Variants in MGAT5B observed in about 807,000 individuals in gnomAD.
MGAT5B encodes the protein N-acetylglucosaminyl-transferase Vb.
MGAT5B carries 54 observed loss-of-function variants against 95.1 expected under a neutral mutation model. The ratio of observed to expected loss-of-function variants is 0.57; its 90% CI spans 0.46 to 0.71. MGAT5B has a LOEUF of 0.71. Among genes scored for constraint, MGAT5B ranks in the 30% least tolerant of loss-of-function variants. MGAT5B has a pLI of 0.00. For synonymous variants in MGAT5B, 464 were observed against 451.0 expected, an observed-to-expected ratio of 1.03 and a Z score of -0.36; for missense variants, 935 against 1,088.6, an observed-to-expected ratio of 0.86 and a Z score of 1.99.
At chr17:76,928,288 C>A (rs1210805982) in intron 10 of MGAT5B, among the ~76,000 whole-genome samples, 2 of 151,880 alleles carry the variant, frequency 1.3e-5, no homozygotes, top group South Asian at 2.1e-4. Flanking sequence ...GCACAGGGAG[C>A]AGATTTCTGG....
At chr17:76,893,609 C>G (rs1967960301) in intron 3 of MGAT5B, among the ~76,000 whole-genome samples, 1 of 152,256 alleles carries the variant, frequency 6.6e-6, no homozygotes, top group Non-Finnish European at 1.5e-5. Context: ...GGGAGTGAGG[C>G]CCAGGGGATT....
chr17:76,889,577 A>AT lies in MGAT5B; in HGVS notation c.329+7279_329+7280insT, dbSNP rs1293835485. 4.6e-5 allele frequency among the ~76,000 whole-genome samples: 7 copies of AT among 152,206 alleles called. No individual in the cohort carries two copies. Among genetic ancestry groups the AT allele is most frequent in the African/African-American group, 7.2e-5 (3 of 41,464 alleles). On this transcript the variant is annotated intron_variant, in intron 3 of 17. Transcript: ENST00000569840. This position sits in a 1 kb window ranked among gnomAD's most constrained non-coding sequence, Gnocchi z 4.4. ...CACCCCAGGGCAGCCGTCGGCCCCC[A>AT]GGGGCATGTTCTGGATTCCAACAGA...
chr17:76,937,991 AAGG>A lies in MGAT5B; in HGVS notation c.1435_1437del (p.Glu479del). Reference sequence around the variant, plus strand: ...TCTCCTCCTCTTCTTTTTCCAGGGGAAGGAGAAGTTCCTGGGCATCCTGAACAA... The same window carrying A: ...TCTCCTCCTCTTCTTTTTCCAGGGGAAGAAGTTCCTGGGCATCCTGAACAA... On this transcript the variant is annotated inframe_deletion, in exon 13 of 18. Coordinates refer to ENST00000569840, the MANE Select transcript of MGAT5B (RefSeq NM_001199172.2). 1 of 1,612,572 alleles carries A rather than the reference AAGG, an allele frequency of 6.2e-7. No individual in the cohort carries two copies.
rs565171450 is a variant in MGAT5B at position 76,917,032 on chromosome 17, G to A, written c.1026-7934G>A. Among the ~76,000 whole-genome samples, 25 of 152,306 alleles carry A rather than the reference G, an allele frequency of 1.6e-4. No homozygotes were observed. In the South Asian group the frequency reaches 3.3e-3, roughly 20 times the overall value. On this transcript the variant is annotated intron_variant, in intron 8 of 17. Coordinates refer to ENST00000569840, the MANE Select transcript of MGAT5B (RefSeq NM_001199172.2). The surrounding 1 kb of genome is among the most constrained non-coding windows in gnomAD (Gnocchi z 6.1). ...ACCCCCTAGCACTCTTCCCGACTAC[G>A]CTGTCAGGTTTGAGTCAGCCTAGTT...
chr17:76,887,547 C>CT (rs1195052470), intron 3 of MGAT5B, among the ~76,000 whole-genome samples: 5 of 91,294 alleles, frequency 5.5e-5, no homozygotes, highest in African/African-American at 3.0e-4. Context: ...TCCTTCCTTT[C>CT]TTTTTTCTTT....
chr17:76,944,355 C>A (rs945542161), intron 15 of MGAT5B: 3 of 152,216 alleles, frequency 2.0e-5, no homozygotes, highest in African/African-American at 7.2e-5. Context: ...TTTGCTGTCA[C>A]GGAGCCGGGG....
chr17:76,903,439 C>A, intron 5 of MGAT5B, 63 bp downstream of exon 5: 2 of 1,417,050 alleles, frequency 1.4e-6, no homozygotes, highest in Admixed American at 2.0e-5. Flanking sequence ...TGGCCCTGGC[C>A]CCTCACCCAG....
rs776468880 is a variant in MGAT5B, at chr17:76,882,172, G to A, written c.203G>A (p.Arg68His). 2.5e-6 allele frequency: 4 copies of A among 1,612,128 alleles called. No homozygotes were observed. In the East Asian group the frequency reaches 6.7e-5, roughly 27 times the overall value. Residue 68 changes from arginine (R) to histidine (H), a missense_variant, in exon 3 of 18, where the codon CGC becomes CAC. Arg to His is a conservative substitution (Grantham distance 29). Coordinates refer to ENST00000569840, the MANE Select transcript of MGAT5B (RefSeq NM_001199172.2). ...ACAGTGATGGGGGGCCCCGAGTCCC[G>A]CGGCGTCCTGCGCAAGATGAGCGAC... ...RTEVMGGPES[R>H]GVLRKMSDLL... is the part of the protein sequence containing the mutation.
chr17:76,945,921 A>T (rs1487860717), intron 15 of MGAT5B, among the ~76,000 whole-genome samples: 1 of 151,944 alleles, frequency 6.6e-6, no homozygotes, highest in South Asian at 2.1e-4. Context: ...ACAGGGGCTC[A>T]TTCTGTGCTG....
At chr17:76,922,220 T>C (rs1475837786) in intron 8 of MGAT5B, among the ~76,000 whole-genome samples, 1 of 152,204 alleles carries the variant, frequency 6.6e-6, no homozygotes, top group Non-Finnish European at 1.5e-5. Context: ...ATGTTCCTGG[T>C]GCAGGTAGCA....
Position 76,940,467 on chromosome 17 carries a change from C to T in MGAT5B, c.1650C>T (p.Cys550=), listed in dbSNP as rs1046675807. The change falls in exon 14 of 18, where the codon TGC becomes TGT. Residue 550 remains cysteine (C), a synonymous_variant. Transcript: ENST00000569840. The surrounding 1 kb of genome is among the most constrained non-coding windows in gnomAD (Gnocchi z 4.3). ...CCCTGGAGGCCATCGCCAATGGTTG[C>T]ATCTTCCTGCAGTCCCGCTTCAGCC... is the stretch of plus-strand genomic sequence containing the variant. ...PAPLEAIANG[C]IFLQSRFSPP... is the part of the protein sequence containing the mutation. The T allele has an allele frequency of 6.2e-6, 10 of 1,614,010 alleles. No individual in the cohort carries two copies. Among genetic ancestry groups the T allele is most frequent in the Non-Finnish European group, 8.5e-6 (10 of 1,179,966 alleles).
chr17:76,926,794 G>A (rs909697232), intron 10 of MGAT5B, 64 bp downstream of exon 10: 38 of 1,576,114 alleles, frequency 2.4e-5, no homozygotes, highest in African/African-American at 8.1e-5. Context: ...GAGGTGACAC[G>A]AGAGGCGGCC....
In MGAT5B at chr17:76,947,030, G is replaced by T. The variant is rs527963154; in HGVS notation, c.1923+580G>T. 2.0e-5 allele frequency among the ~76,000 whole-genome samples: 3 copies of T among 152,340 alleles called. No individual in the cohort carries two copies. The East Asian group carries it at 5.8e-4, about 29-fold the overall frequency. ...AGGAGGAGGGCGTGCCCTATTCCTG[G>T]GGAGTCCTGGCCCTCCACTGCATCC... On this transcript the variant is annotated intron_variant, in intron 16 of 17. Transcript: ENST00000569840.
In MGAT5B at chr17:76,940,542, C is replaced by T; in HGVS notation, c.1725C>T (p.Ser575=). The stretch of plus-strand genomic sequence containing the variant: ...AGTTCTTCCGAGGCAAGCCCACCTC[C>T]AGAGAGGTGAGTGGAAAGCATCCTG... The part of the protein sequence containing the change: ...NHEFFRGKPT[S]REVFSQHPYA... Residue 575 remains serine (S), a synonymous_variant, in exon 14 of 18, where the codon TCC becomes TCT. Coordinates refer to ENST00000569840, the MANE Select transcript of MGAT5B (RefSeq NM_001199172.2). This position sits in a 1 kb window ranked among gnomAD's most constrained non-coding sequence, Gnocchi z 4.3. 6.2e-7 allele frequency: 1 copy of T among 1,609,940 alleles called. No homozygotes were observed. Among genetic ancestry groups the T allele is most frequent in the Non-Finnish European group, 8.5e-7 (1 of 1,177,344 alleles).
intron 3 of MGAT5B, among the ~76,000 whole-genome samples, chr17:76,884,538 A>G (rs569559397): frequency 1.1e-4 from 17 of 151,692 alleles, no homozygotes; most frequent in Non-Finnish European, 1.3e-4. Flanking sequence ...GGTTCGAGCA[A>G]TTCTTCTGCC....
Position 76,930,797 on chromosome 17 carries a change from A to G in MGAT5B, c.1292-1848A>G, listed in dbSNP as rs907494550. ...TGTAACAGAGACCTAACTGCCGCAGATGGGGCCACAAAGGGAGGCACAGTC... is the reference window on the plus strand; with the variant it reads ...TGTAACAGAGACCTAACTGCCGCAGGTGGGGCCACAAAGGGAGGCACAGTC... On this transcript the variant is annotated intron_variant, in intron 10 of 17. Coordinates refer to ENST00000569840, the MANE Select transcript of MGAT5B (RefSeq NM_001199172.2). The surrounding 1 kb of genome is among the most constrained non-coding windows in gnomAD (Gnocchi z 4.1). 6.6e-6 allele frequency among the ~76,000 whole-genome samples: 1 copy of G among 152,200 alleles called. No homozygotes were observed. Among genetic ancestry groups the G allele is most frequent in the African/African-American group, 2.4e-5 (1 of 41,450 alleles).
Position 76,925,024 on chromosome 17 carries a change from G to A in MGAT5B, c.1084G>A (p.Asp362Asn), listed in dbSNP as rs537970370. Residue 362 changes from aspartate to asparagine, a missense_variant, in exon 9 of 18, where the codon GAC becomes AAC. Coordinates refer to ENST00000569840, the MANE Select transcript of MGAT5B (RefSeq NM_001199172.2). ...SCPLTMPLPFDLIYTDYHGLQ... is the reference protein window; with the variant it reads ...SCPLTMPLPFNLIYTDYHGLQ... The stretch of plus-strand genomic sequence containing the variant: ...CCCGCTCACCATGCCCCTGCCCTTC[G>A]ACCTCATCTACACCGACTACCACGG... 3.1e-5 allele frequency: 50 copies of A among 1,601,918 alleles called. No homozygotes were observed. Among genetic ancestry groups the A allele is most frequent in the South Asian group, 7.8e-5 (7 of 90,248 alleles).
chr17:76,892,547 GT>G (rs1967911724), intron 3 of MGAT5B, among the ~76,000 whole-genome samples: 1 of 152,202 alleles, frequency 6.6e-6, no homozygotes, highest in African/African-American at 2.4e-5. Context: ...CCACCCTGAG[GT>G]CCAGTGATTT....
chr17:76,885,121 G>A (rs1967575659), intron 3 of MGAT5B, among the ~76,000 whole-genome samples: 1 of 152,184 alleles, frequency 6.6e-6, no homozygotes, highest in African/African-American at 2.4e-5. Context: ...AAGCAGTGAG[G>A]CCGTGGTGGA....
Sources: allele counts gnomAD v4.1 joint callset (sites outside exome capture counted in the v4.1 genomes callset), GRCh38; gene constraint gnomAD v4.1.1; non-coding constraint Gnocchi (gnomAD v3.1); transcripts MANE v1.5; gene names NCBI Gene and HGNC (gene_info 2026-07-23, HGNC 2026-07-21).